The following KPNA3 variants were observed in gnomAD, a reference collection of about 807,000 sequenced individuals.
KPNA3 encodes importin subunit alpha-4.
KPNA3 carries 13 observed loss-of-function variants against 73.8 expected under a neutral mutation model. The observed-to-expected ratio is 0.18, with a 90% CI of 0.11 to 0.28. KPNA3 has a LOEUF of 0.28. Ranked by LOEUF, KPNA3 falls within the 10% of genes least tolerant of loss-of-function variation. KPNA3 has a pLI of 1.00. For synonymous variants in KPNA3, 186 were observed against 206.9 expected (o/e 0.90, Z 0.87); for missense variants, 360 against 618.1 (o/e 0.58, Z 4.43).
At chr13:49,781,472 G>A (rs1954939922) in intron 1 of KPNA3, among the ~76,000 whole-genome samples, 1 of 148,202 alleles carries the variant, frequency 6.7e-6, no homozygotes, top group South Asian at 2.1e-4. Context: ...GATTATTTAA[G>A]GTTATTCTTA....
chr13:49,722,567 T>C lies in KPNA3; in HGVS notation c.470-4A>G. ...CTCAGAAAAAGAGGTACTGCATCTG[T>C]AATAAAGAAAAACTAATATTTATAC... On this transcript the variant is annotated splice_polypyrimidine_tract_variant and splice_region_variant and intron_variant, in intron 7 of 16. Coordinates refer to ENST00000261667, the MANE Select transcript of KPNA3 (RefSeq NM_002267.4). The C allele has an allele frequency of 6.3e-7, 1 of 1,584,692 alleles. No individual in the cohort carries two copies. Among genetic ancestry groups the C allele is most frequent in the Non-Finnish European group, 8.6e-7 (1 of 1,159,228 alleles).
chr13:49,721,815 G>A (rs1434361642), intron 9 of KPNA3, 140 bp downstream of exon 9: 11 of 533,860 alleles, frequency 2.1e-5, no homozygotes, highest in Admixed American at 2.0e-4. Context: ...GCAAGACTCC[G>A]TTATCAAACA....
At chr13:49,756,650 T>C (rs897557135) in intron 1 of KPNA3, among the ~76,000 whole-genome samples, 1 of 152,192 alleles carries the variant, frequency 6.6e-6, no homozygotes, top group Non-Finnish European at 1.5e-5. Flanking sequence ...CATACTGATA[T>C]ACAGGTTTAA....
chr13:49,792,559 G>T lies in KPNA3; in HGVS notation c.-53C>A. On this transcript the variant is annotated 5_prime_UTR_variant, in exon 1 of 17. Coordinates refer to ENST00000261667, the MANE Select transcript of KPNA3 (RefSeq NM_002267.4). The stretch of plus-strand genomic sequence containing the variant: ...CTCCTGCGGCTGCGGCGGCGGCGGC[G>T]GCGAATCTTGGAGCGGGAGGGGGAG... 26 of 1,208,020 alleles carry T rather than the reference G, an allele frequency of 2.2e-5. No homozygotes were observed. The highest frequency in any genetic ancestry group is 2.6e-5 in the Non-Finnish European group (22 of 849,140). 74.8% of individuals were successfully genotyped at this position (1,208,020 alleles called of 1,614,324 possible).
At chr13:49,715,169 T>A (rs1954293913) in intron 10 of KPNA3, among the ~76,000 whole-genome samples, 1 of 151,838 alleles carries the variant, frequency 6.6e-6, no homozygotes, top group Non-Finnish European at 1.5e-5. Flanking sequence ...TAGATACAAT[T>A]AAAAAAAATT....
At chr13:49,789,153 T>G (rs1346220150) in intron 1 of KPNA3, among the ~76,000 whole-genome samples, 1 of 152,192 alleles carries the variant, frequency 6.6e-6, no homozygotes, top group East Asian at 1.9e-4. Flanking sequence ...AATAAATTCC[T>G]TCACATCTCC....
intron 7 of KPNA3, among the ~76,000 whole-genome samples, chr13:49,723,167 A>T (rs1954376190): frequency 6.6e-6 from 1 of 151,994 alleles, no homozygotes; most frequent in Non-Finnish European, 1.5e-5. Context: ...CTTTACGGAG[A>T]TATAATTACA....
At chr13:49,761,198 GTCCCTCTCCCTCTCCCTCTCCCCACGGTC>G (rs1317007048) in intron 1 of KPNA3, among the ~76,000 whole-genome samples, 1 of 151,812 alleles carries the variant, frequency 6.6e-6, no homozygotes, top group South Asian at 2.1e-4. Flanking sequence ...AGAGAAGAGG[GTCCCTCTCCCTCTCCCTCTCCCCACGGTC>G]TCCCTCTCCC....
intron 6 of KPNA3, among the ~76,000 whole-genome samples, chr13:49,731,474 A>G (rs1405297299): frequency 6.6e-6 from 1 of 152,182 alleles, no homozygotes; most frequent in East Asian, 1.9e-4. Context: ...AGTATTTTAA[A>G]AAGTGTTACA....
chr13:49,736,092 A>G (rs941986720), intron 2 of KPNA3, among the ~76,000 whole-genome samples: 1 of 152,156 alleles, frequency 6.6e-6, no homozygotes, highest in South Asian at 2.1e-4. Context: ...TTTTTATCCA[A>G]TAATACCCTC....
chr13:49,706,134 T>G lies in KPNA3; in HGVS notation c.1173A>C (p.Ala391=), dbSNP rs767633666. 5 of 1,613,968 alleles carry G rather than the reference T, an allele frequency of 3.1e-6. No individual in the cohort carries two copies. In the South Asian group the frequency reaches 5.5e-5, roughly 18 times the overall value. ...DFGTQKEAAW[A]ISNLTISGRK... is the part of the protein sequence containing the mutation. ...TGCCACTTATTGTTAAGTTGCTGAT[T>G]GCCCAAGCAGCTTCTTTTTGTGTTC... is the stretch of plus-strand genomic sequence containing the variant. The change falls in exon 14 of 17, where the codon GCA becomes GCC. Residue 391 remains alanine, a synonymous_variant. Coordinates refer to ENST00000261667, the MANE Select transcript of KPNA3 (RefSeq NM_002267.4).
At chr13:49,772,269 T>A (rs956418590) in intron 1 of KPNA3, among the ~76,000 whole-genome samples, 4 of 152,224 alleles carry the variant, frequency 2.6e-5, no homozygotes, top group African/African-American at 9.6e-5. Context: ...GGGGGAAAGC[T>A]TTACATTTAC....
intron 9 of KPNA3, 117 bp from the exon 10 acceptor site, chr13:49,719,936 A>T (rs1447985499): frequency 1.6e-6 from 1 of 642,398 alleles, no homozygotes; most frequent in Non-Finnish European, 2.7e-6. Context: ...GACAATGTTA[A>T]ATTTGTCTGA....
chr13:49,751,576 AAT>A (rs1392163362), intron 1 of KPNA3, among the ~76,000 whole-genome samples: 1 of 152,172 alleles, frequency 6.6e-6, no homozygotes, highest in Non-Finnish European at 1.5e-5. Flanking sequence ...CCACACAAAA[AAT>A]GTCATCAGAA....
At chr13:49,703,150 G>A (rs1440363866) in intron 15 of KPNA3, among the ~76,000 whole-genome samples, 1 of 150,040 alleles carries the variant, frequency 6.7e-6, no homozygotes, top group Non-Finnish European at 1.5e-5. Context: ...TTACAGGCGT[G>A]AGCCACTGCG....
At position 49,705,706 on chromosome 13, in the gene KPNA3, C is replaced by G; in HGVS notation, c.1287G>C (p.Gln429His). Residue 429 changes from glutamine to histidine, a missense_variant, in exon 15 of 17, where the codon CAG becomes CAC. Physicochemically the swap from Gln to His is conservative, Grantham distance 24 (BLOSUM62 0). Around this residue, in one of 3 missense-constraint regions of KPNA3, gnomAD observed 287 missense variants for 549.1 expected, o/e 0.52. Coordinates refer to ENST00000261667, the MANE Select transcript of KPNA3 (RefSeq NM_002267.4). ...TGTTTTTTAGACCATCTAGAACCACCTGAACCACTTGAGAATCTTTCACTG... is the reference window on the plus strand; with the variant it reads ...TGTTTTTTAGACCATCTAGAACCACGTGAACCACTTGAGAATCTTTCACTG... ...LLSVKDSQVV[Q>H]VVLDGLKNIL... 6.2e-7 allele frequency: 1 copy of G among 1,614,116 alleles called. No homozygotes were observed. The highest frequency in any genetic ancestry group is 1.3e-5 in the African/African-American group (1 of 75,052).
chr13:49,702,080 A>G (rs2137527622), intron 16 of KPNA3, among the ~76,000 whole-genome samples, 182 bp from the exon 17 acceptor site: 1 of 152,338 alleles, frequency 6.6e-6, no homozygotes, highest in East Asian at 1.9e-4. Flanking sequence ...ACACGTTTCG[A>G]AACTGCATTG....
chr13:49,734,122 TTTG>T lies in KPNA3; in HGVS notation c.115-1079_115-1077del, dbSNP rs1382255598. ...ATAAGACTTCTAAAATTCCTGGTATTTTGTTGTTGTTCCTTCTCTCTACTTGCT... is the reference window on the plus strand; with the variant it reads ...ATAAGACTTCTAAAATTCCTGGTATTTTGTTGTTCCTTCTCTCTACTTGCT... On this transcript the variant is annotated intron_variant, in intron 2 of 16. Transcript: ENST00000261667. Among the ~76,000 whole-genome samples the T allele has an allele frequency of 2.6e-5, 4 of 152,356 alleles. 1 individual carries two copies. The highest frequency in any genetic ancestry group is 4.1e-4 in the South Asian group (2 of 4,830).
intron 1 of KPNA3, among the ~76,000 whole-genome samples, chr13:49,765,609 T>A (rs1304308075): frequency 1.3e-5 from 2 of 152,212 alleles, no homozygotes; most frequent in Non-Finnish European, 2.9e-5. Context: ...AGTGCTGGGT[T>A]ACAGGCATGA....
Sources: gnomAD v4.1 joint callset for allele counts (sites outside exome capture counted in the v4.1 genomes callset) on GRCh38, gnomAD v4.1.1 for gene constraint, gnomAD v4.1.1 regional missense constraint, MANE v1.5 for transcripts, NCBI Gene and HGNC (gene_info 2026-07-23, HGNC 2026-07-21) for gene names.